THRB: variants seen among roughly 807,000 people sequenced by gnomAD.
THRB encodes the protein nuclear receptor subfamily 1 group A member 2.
THRB carries 12 observed loss-of-function variants against 47.8 expected under a neutral mutation model. That is an observed-to-expected ratio of 0.25 (90% CI 0.16 to 0.41). The LOEUF is 0.41. Among genes scored for constraint, THRB ranks in the 10% least tolerant of loss-of-function variants. The pLI is 1.00. For missense variants in THRB, 348 were observed against 589.2 expected, an observed-to-expected ratio of 0.59 and a Z score of 4.24; for synonymous variants, 218 against 212.2, an observed-to-expected ratio of 1.03 and a Z score of -0.24.
chr3:24,208,534 A>G (rs1298390304), intron 4 of THRB, among the ~76,000 whole-genome samples: 1 of 152,188 alleles, frequency 6.6e-6, no homozygotes, highest in African/African-American at 2.4e-5. Context: ...GAGCCCTCAG[A>G]AATAATACCA....
intron 1 of THRB, among the ~76,000 whole-genome samples, chr3:24,451,269 T>C (rs1010302030): frequency 6.9e-6 from 1 of 145,636 alleles, no homozygotes; most frequent in African/African-American, 2.6e-5. Context: ...AGTCTCGCTG[T>C]GTCACCCAGG....
intron 5 of THRB, among the ~76,000 whole-genome samples, chr3:24,167,261 A>G (rs748947654): frequency 6.6e-6 from 1 of 152,202 alleles, no homozygotes; most frequent in Non-Finnish European, 1.5e-5. Flanking sequence ...AAGCAAAAGC[A>G]TGTTCGTCAG....
At chr3:24,349,453 G>T (rs2149523860) in intron 1 of THRB, among the ~76,000 whole-genome samples, 1 of 152,144 alleles carries the variant, frequency 6.6e-6, no homozygotes, top group Non-Finnish European at 1.5e-5. Context: ...CCAGTTACAG[G>T]ATTATAAATC....
intron 5 of THRB, among the ~76,000 whole-genome samples, chr3:24,173,607 C>G (rs766893239): frequency 2.2e-4 from 34 of 152,142 alleles, no homozygotes; most frequent in Non-Finnish European, 4.4e-4. Flanking sequence ...ACAGCCAAAC[C>G]TATTGATGGT....
At chr3:24,282,681 C>A (rs1297478741) in intron 3 of THRB, among the ~76,000 whole-genome samples, 1 of 145,862 alleles carries the variant, frequency 6.9e-6, no homozygotes, top group Non-Finnish European at 1.5e-5. Context: ...AATTGATAGA[C>A]CGCTAGCAAG....
chr3:24,285,230 C>T (rs1471328798), intron 3 of THRB, among the ~76,000 whole-genome samples: 1 of 151,700 alleles, frequency 6.6e-6, no homozygotes, highest in Non-Finnish European at 1.5e-5. Flanking sequence ...GGCACATATA[C>T]ACCATGGAAT....
At chr3:24,459,915 T>G (rs570571461) in intron 1 of THRB, among the ~76,000 whole-genome samples, 5 of 152,198 alleles carry the variant, frequency 3.3e-5, no homozygotes, top group Non-Finnish European at 5.9e-5. Flanking sequence ...GTTTGTATTT[T>G]GGGGGCATAA....
chr3:24,299,333 T>C (rs925553375), intron 2 of THRB, among the ~76,000 whole-genome samples: 1 of 150,934 alleles, frequency 6.6e-6, no homozygotes, highest in African/African-American at 2.4e-5. Context: ...CTAAGAATCA[T>C]GCATTATAAC....
At position 24,184,088 on chromosome 3, in the gene THRB, C is replaced by T. The variant is rs185984288; in HGVS notation, c.283+5986G>A. 3.9e-4 allele frequency among the ~76,000 whole-genome samples: 58 copies of T among 149,042 alleles called. No individual in the cohort carries two copies. In the South Asian group the frequency reaches 7.3e-3, roughly 19 times the overall value. On this transcript the variant is annotated intron_variant, in intron 5 of 10. Coordinates refer to ENST00000646209, the MANE Select transcript of THRB (RefSeq NM_001354712.2). ...AACACACAATTATATAGACTTTTAA[C>T]GTTATAAATGGGATTACACTATTCT...
chr3:24,210,838 C>T (rs548880311), intron 4 of THRB, among the ~76,000 whole-genome samples: 1 of 152,264 alleles, frequency 6.6e-6, no homozygotes, highest in South Asian at 2.1e-4. Context: ...AGTGGAAAGT[C>T]AGCTTCAATC....
chr3:24,341,012 T>C lies in THRB; in HGVS notation c.-260-3641A>G, dbSNP rs1402052293. Among the ~76,000 whole-genome samples the C allele has an allele frequency of 7.2e-5, 11 of 152,238 alleles. No individual in the cohort carries two copies. The East Asian group carries it at 1.9e-3, about 27-fold the overall frequency. ...TTCCTTTCAATGATTTGCCCATGGT[T>C]TTCTGCTACGTTGGTGGACATTTTT... is the stretch of plus-strand genomic sequence containing the variant. On this transcript the variant is annotated intron_variant, in intron 1 of 10. Transcript: ENST00000646209.
intron 1 of THRB, among the ~76,000 whole-genome samples, chr3:24,443,131 G>A (rs559305247): frequency 1.3e-5 from 2 of 152,056 alleles, no homozygotes; most frequent in South Asian, 4.2e-4. Flanking sequence ...GCAATGAGCC[G>A]AGATCACACC....
At chr3:24,342,222 C>T (rs2062711417) in intron 1 of THRB, among the ~76,000 whole-genome samples, 1 of 148,846 alleles carries the variant, frequency 6.7e-6, no homozygotes, top group African/African-American at 2.5e-5. Flanking sequence ...AAATATCCAT[C>T]AAACACCAGC....
At chr3:24,334,828 G>A (rs1405511032) in intron 2 of THRB, among the ~76,000 whole-genome samples, 3 of 152,150 alleles carry the variant, frequency 2.0e-5, no homozygotes, top group Non-Finnish European at 4.4e-5. Context: ...GCCAGACCTG[G>A]ACCATGTCTT....
chr3:24,254,140 G>T (rs1459308385), intron 3 of THRB, among the ~76,000 whole-genome samples: 1 of 144,342 alleles, frequency 6.9e-6, no homozygotes, highest in East Asian at 2.1e-4. Flanking sequence ...GAGACAGGTG[G>T]ATCACGAGGT....
chr3:24,417,578 A>G (rs996781549), intron 1 of THRB, among the ~76,000 whole-genome samples: 2 of 151,870 alleles, frequency 1.3e-5, no homozygotes, highest in African/African-American at 4.8e-5. Flanking sequence ...TTAGCGTATT[A>G]GTAAGTCTAG....
At chr3:24,174,973 C>T (rs990944675) in intron 5 of THRB, among the ~76,000 whole-genome samples, 1 of 152,204 alleles carries the variant, frequency 6.6e-6, no homozygotes, top group South Asian at 2.1e-4. Context: ...CATTTAGCAG[C>T]TTACGCTGGA....
intron 3 of THRB, among the ~76,000 whole-genome samples, chr3:24,262,527 C>T (rs1043453296): frequency 1.3e-5 from 2 of 152,218 alleles, no homozygotes; most frequent in Admixed American, 6.5e-5. Context: ...TCACTCCATT[C>T]CAGTCTTGCT....
At chr3:24,214,051 A>G (rs758035331) in intron 4 of THRB, among the ~76,000 whole-genome samples, 1 of 152,250 alleles carries the variant, frequency 6.6e-6, no homozygotes, top group Non-Finnish European at 1.5e-5. Context: ...TCACATGAAT[A>G]CTGACATAAG....
Sources: gnomAD v4.1 joint callset for allele counts (sites outside exome capture counted in the v4.1 genomes callset) on GRCh38, gnomAD v4.1.1 for gene constraint, MANE v1.5 for transcripts, NCBI Gene and HGNC (gene_info 2026-07-23, HGNC 2026-07-21) for gene names.